The following CTNND2 variants were observed in gnomAD, a reference collection of about 807,000 sequenced individuals.
CTNND2 encodes catenin delta 2, also known as catenin delta-2.
A neutral mutation model predicts 144.4 loss-of-function variants in CTNND2; 22 were observed. The observed-to-expected ratio is 0.15, with a 90% CI of 0.11 to 0.22. The LOEUF is 0.22. CTNND2 is among the 10% of genes least tolerant of loss of function. CTNND2 has a pLI of 1.00. For synonymous variants in CTNND2, 751 were observed against 695.6 expected, an observed-to-expected ratio of 1.08 and a Z score of -1.25; for missense variants, 1,353 against 1,618.8, an observed-to-expected ratio of 0.84 and a Z score of 2.82.
chr5:11,617,720 A>G (rs1479046703), intron 2 of CTNND2, among the ~76,000 whole-genome samples: 1 of 152,222 alleles, frequency 6.6e-6, no homozygotes, highest in East Asian at 1.9e-4. Context: ...AGAGAAATAA[A>G]TAAGGGCACA....
At chr5:11,612,541 T>C (rs1026824001) in intron 2 of CTNND2, among the ~76,000 whole-genome samples, 16 of 152,282 alleles carry the variant, frequency 1.1e-4, no homozygotes, top group African/African-American at 3.8e-4. Context: ...ACTGAAAACA[T>C]AGCTGAAAGC....
At chr5:11,427,258 A>G (rs1231278508) in intron 3 of CTNND2, among the ~76,000 whole-genome samples, 1 of 150,850 alleles carries the variant, frequency 6.6e-6, no homozygotes, top group East Asian at 1.9e-4. Context: ...GTACCTTTAA[A>G]CGCATTTTCC....
chr5:11,249,007 A>G (rs1743297436), intron 9 of CTNND2, among the ~76,000 whole-genome samples: 1 of 152,242 alleles, frequency 6.6e-6, no homozygotes, highest in Admixed American at 6.5e-5. Context: ...ATGTGGTCTA[A>G]TTTGGCCTAA....
At chr5:11,884,763 T>C (rs1309960095) in intron 1 of CTNND2, among the ~76,000 whole-genome samples, 2 of 152,206 alleles carry the variant, frequency 1.3e-5, no homozygotes, top group African/African-American at 2.4e-5. Flanking sequence ...GCCTTTTAAC[T>C]TTAACCCATT....
intron 4 of CTNND2, 90 bp from the exon 5 acceptor site, chr5:11,411,742 A>G (rs746855259): frequency 7.4e-5 from 63 of 846,564 alleles, no homozygotes; most frequent in Non-Finnish European, 1.1e-4. Flanking sequence ...AAAATATCCT[A>G]GTCAAATATA....
At position 11,623,789 on chromosome 5, in the gene CTNND2, AATATATATATGTGTGTATGTATAT is replaced by A. The variant is rs1476304277; in HGVS notation, c.175-58757_175-58734del. Reference sequence around the variant, plus strand: ...TCAAGAAGAAGACCTAACTATCGTAAATATATATATGTGTGTATGTATATATATATATATATATATATATATATA... The same window carrying A: ...TCAAGAAGAAGACCTAACTATCGTAAATATATATATATATATATATATATA... On this transcript the variant is annotated intron_variant, in intron 2 of 21. Coordinates refer to ENST00000304623, the MANE Select transcript of CTNND2 (RefSeq NM_001332.4). 6.3e-3 allele frequency among the ~76,000 whole-genome samples: 749 copies of A among 118,586 alleles called. 13 individuals carry two copies. Among genetic ancestry groups the A allele is most frequent in the African/African-American group, 0.017 (521 of 31,122 alleles). The allele number at this position is 118,586 out of a possible 152,430, so 77.8% of individuals were successfully genotyped here.
At chr5:11,826,549 G>C (rs1327723966) in intron 1 of CTNND2, among the ~76,000 whole-genome samples, 1 of 151,772 alleles carries the variant, frequency 6.6e-6, no homozygotes. Context: ...CCAAATAAAA[G>C]GCTGAGATTG....
chr5:11,670,268 C>CT (rs1266808578), intron 2 of CTNND2, among the ~76,000 whole-genome samples: 2 of 152,138 alleles, frequency 1.3e-5, no homozygotes, highest in Non-Finnish European at 2.9e-5. Context: ...ATTAGGTCTA[C>CT]TTGGTGCAGA....
chr5:11,175,828 A>G (rs1246238571), intron 11 of CTNND2, among the ~76,000 whole-genome samples: 1 of 152,080 alleles, frequency 6.6e-6, no homozygotes, highest in Non-Finnish European at 1.5e-5. Flanking sequence ...CTCCAGAAAG[A>G]TCACCCTCTT....
At chr5:11,081,403 A>G (rs1210043980) in intron 16 of CTNND2, among the ~76,000 whole-genome samples, 1 of 152,246 alleles carries the variant, frequency 6.6e-6, no homozygotes, top group East Asian at 1.9e-4. Flanking sequence ...GTATGCATTC[A>G]GGTTGAGAAC....
intron 2 of CTNND2, among the ~76,000 whole-genome samples, chr5:11,608,456 T>C (rs75486481): frequency 0.015 from 2,285 of 152,116 alleles, 60 homozygotes; most frequent in African/African-American, 0.049. Context: ...ACCTTTCCTC[T>C]CTCCCAGGTG....
chr5:11,005,464 A>G (rs1251451922), intron 18 of CTNND2, among the ~76,000 whole-genome samples: 6 of 152,342 alleles, frequency 3.9e-5, no homozygotes, highest in Admixed American at 3.9e-4. Flanking sequence ...AAAACCAATT[A>G]GGCAGTAATA....
intron 1 of CTNND2, among the ~76,000 whole-genome samples, chr5:11,738,282 T>G (rs796115838): frequency 6.6e-6 from 1 of 152,176 alleles, no homozygotes; most frequent in South Asian, 2.1e-4. Context: ...ACTACCACTT[T>G]CATAAATGAT....
chr5:11,057,518 C>G (rs1746461543), intron 16 of CTNND2, among the ~76,000 whole-genome samples: 1 of 152,228 alleles, frequency 6.6e-6, no homozygotes, highest in Non-Finnish European at 1.5e-5. Flanking sequence ...CCATGATTGT[C>G]AGGCCTCCCC....
intron 11 of CTNND2, among the ~76,000 whole-genome samples, chr5:11,197,149 T>C (rs1172775015): frequency 2.0e-5 from 3 of 152,180 alleles, no homozygotes; most frequent in Non-Finnish European, 4.4e-5. Context: ...AGTGGAAGCT[T>C]GGCCAAGTGG....
At chr5:11,148,077 C>T (rs997399352) in intron 12 of CTNND2, among the ~76,000 whole-genome samples, 2 of 152,296 alleles carry the variant, frequency 1.3e-5, no homozygotes, top group East Asian at 3.9e-4. Flanking sequence ...TCATAAAAGT[C>T]ATCTATTGTA....
At chr5:11,438,402 G>A (rs1256148844) in intron 3 of CTNND2, among the ~76,000 whole-genome samples, 1 of 152,224 alleles carries the variant, frequency 6.6e-6, no homozygotes, top group Non-Finnish European at 1.5e-5. Context: ...AAAAGGATGG[G>A]CTGTCTGGGA....
chr5:11,874,595 C>G (rs1378711719), intron 1 of CTNND2, among the ~76,000 whole-genome samples: 1 of 152,102 alleles, frequency 6.6e-6, no homozygotes. Flanking sequence ...TTGCAGGGAG[C>G]AGAGACAGCA....
chr5:11,782,234 C>T (rs879394426), intron 1 of CTNND2, among the ~76,000 whole-genome samples: 5 of 152,216 alleles, frequency 3.3e-5, no homozygotes, highest in East Asian at 1.9e-4. Context: ...TACCCAGTCT[C>T]GGATATTTCT....
Sources: gnomAD v4.1 joint callset for allele counts (sites outside exome capture counted in the v4.1 genomes callset) on GRCh38, gnomAD v4.1.1 for gene constraint, MANE v1.5 for transcripts, NCBI Gene and HGNC (gene_info 2026-07-23, HGNC 2026-07-21) for gene names.